FBXW10B: variants seen among roughly 807,000 people sequenced by gnomAD.
The protein encoded by FBXW10B is F-box and WD repeat domain containing 10B, also known as F-box and WD repeat domain containing protein 10B.
At chr17:15,602,027 G>A in the FBXW10B span, among the ~76,000 whole-genome samples, 6 of 151,728 alleles carry the variant, frequency 4.0e-5, no homozygotes, top group Non-Finnish European at 8.8e-5. Flanking sequence ...CAGGAGAATG[G>A]CATGATCACG....
the FBXW10B span, chr17:15,593,365 C>T: frequency 1.9e-4 from 310 of 1,614,166 alleles, 6 homozygotes; most frequent in South Asian, 3.3e-3. Context: ...AAGGACAGCA[C>T]AGGATCGCCT....
At chr17:15,576,102 G>C in the FBXW10B span, among the ~76,000 whole-genome samples, 1 of 152,208 alleles carries the variant, frequency 6.6e-6, no homozygotes, top group Non-Finnish European at 1.5e-5. Context: ...AGAAGACAGA[G>C]AGATGTAGAC....
At chr17:15,572,113 T>A in the FBXW10B span, 6 of 150,628 alleles carry the variant, frequency 4.0e-5, no homozygotes, top group Non-Finnish European at 8.8e-5. Context: ...AACTCAGAAC[T>A]AACTGTACAC....
At chr17:15,570,066 C>T in the FBXW10B span, among the ~76,000 whole-genome samples, 149 of 152,220 alleles carry the variant, frequency 9.8e-4, no homozygotes, top group East Asian at 9.1e-3. Flanking sequence ...TTCTTGCTAT[C>T]GTGGAGCTTG....
At chr17:15,594,140 G>A in the FBXW10B span, among the ~76,000 whole-genome samples, 2 of 152,038 alleles carry the variant, frequency 1.3e-5, no homozygotes, top group East Asian at 1.9e-4. Context: ...TTATACAATA[G>A]TCATGCTGAG....
chr17:15,604,973 T>C, the FBXW10B span, among the ~76,000 whole-genome samples: 1 of 152,288 alleles, frequency 6.6e-6, no homozygotes, highest in Admixed American at 6.5e-5. Context: ...AGAAAATTTT[T>C]CTGATTTGCA....
At chr17:15,594,493 T>TA in the FBXW10B span, 1 of 437,590 alleles carries the variant, frequency 2.3e-6, no homozygotes, top group Non-Finnish European at 4.0e-6. Flanking sequence ...AAAAATTCAA[T>TA]ATCTTCTCAA....
the FBXW10B span, among the ~76,000 whole-genome samples, chr17:15,583,969 T>C: frequency 1.3e-5 from 2 of 152,210 alleles, no homozygotes; most frequent in Non-Finnish European, 2.9e-5. Flanking sequence ...TTCTAGAAGA[T>C]GGTGCTCTCA....
chr17:15,586,414 G>A, the FBXW10B span, among the ~76,000 whole-genome samples: 554 of 151,582 alleles, frequency 3.7e-3, 25 homozygotes, highest in African/African-American at 0.013. Flanking sequence ...CAGAATTCAT[G>A]TTGCTTTGAT....
At chr17:15,611,274 G>A in the FBXW10B span, among the ~76,000 whole-genome samples, 5 of 152,070 alleles carry the variant, frequency 3.3e-5, no homozygotes, top group East Asian at 1.9e-4. Flanking sequence ...CGCCCGCCTC[G>A]GCCTCCCAAA....
chr17:15,602,752 C>T, the FBXW10B span, among the ~76,000 whole-genome samples: 2 of 118,986 alleles, frequency 1.7e-5, 1 homozygote, highest in African/African-American at 8.3e-5. Context: ...CTCAGCCTCC[C>T]GAGTAGCTGG....
the FBXW10B span, among the ~76,000 whole-genome samples, chr17:15,569,455 C>CTTTTTATTTT: frequency 2.0e-4 from 12 of 59,188 alleles, no homozygotes; most frequent in Non-Finnish European, 3.2e-4. Flanking sequence ...TTTTCTTTTT[C>CTTTTTATTTT]TTTTTTTTTT....
the FBXW10B span, among the ~76,000 whole-genome samples, chr17:15,601,007 C>T: frequency 2.6e-5 from 3 of 116,936 alleles, no homozygotes; most frequent in African/African-American, 6.7e-5. Flanking sequence ...GCCGAGATCG[C>T]GTCACAGCAC....
the FBXW10B span, among the ~76,000 whole-genome samples, chr17:15,608,513 G>T: frequency 6.6e-6 from 1 of 151,778 alleles, no homozygotes; most frequent in Admixed American, 6.6e-5. Flanking sequence ...GAGTGCAATG[G>T]CATGATCTTG....
chr17:15,618,899 C>T, the FBXW10B span: 3 of 1,536,790 alleles, frequency 2.0e-6, no homozygotes, highest in Non-Finnish European at 2.6e-6. Context: ...GCATTCTGTG[C>T]AATCTCTGTC....
the FBXW10B span, chr17:15,593,392 T>C: frequency 6.2e-7 from 1 of 1,614,204 alleles, no homozygotes; most frequent in Non-Finnish European, 8.5e-7. Context: ...TTGGCTTTTA[T>C]CACCTTCATA....
At chr17:15,570,067 G>A in the FBXW10B span, among the ~76,000 whole-genome samples, 15 of 152,238 alleles carry the variant, frequency 9.9e-5, no homozygotes, top group East Asian at 1.9e-4. Flanking sequence ...TCTTGCTATC[G>A]TGGAGCTTGC....
chr17:15,566,220 G>A, the FBXW10B span: 95 of 1,612,316 alleles, frequency 5.9e-5, no homozygotes, highest in South Asian at 8.1e-4. Context: ...AATTACGGGC[G>A]TGCTGCAGGG....
chr17:15,590,451 G>C, the FBXW10B span, among the ~76,000 whole-genome samples: 10 of 147,212 alleles, frequency 6.8e-5, no homozygotes, highest in African/African-American at 2.3e-4. Context: ...GGGTCCTTTG[G>C]TGAGGTTTGC....
Sources: gnomAD v4.1 joint callset for allele counts (sites outside exome capture counted in the v4.1 genomes callset) on GRCh38, gnomAD v4.1.1 for gene constraint, MANE v1.5 for transcripts, NCBI Gene and HGNC (gene_info 2026-07-23, HGNC 2026-07-21) for gene names.